CHMP6: variants seen among roughly 807,000 people sequenced by gnomAD.
The protein encoded by CHMP6 is charged multivesicular body protein 6.
A neutral mutation model predicts 32.8 loss-of-function variants in CHMP6; 10 were observed. The observed-to-expected ratio is 0.30, with a 90% CI of 0.19 to 0.52. CHMP6 has a LOEUF of 0.52. CHMP6 is among the 20% of genes least tolerant of loss of function. The pLI is 0.97. For missense variants in CHMP6, 269 were observed against 263.8 expected, an observed-to-expected ratio of 1.02 and a Z score of -0.14; for synonymous variants, 123 against 105.8, an observed-to-expected ratio of 1.16 and a Z score of -1.00.
chr17:80,999,681 C>T lies in CHMP6; in HGVS notation c.*528C>T, dbSNP rs570058317. ...GCATGTGCTGAACCTCTCTGTGCCTCTGCCTCCGCACCCTAGACACCCACC... is the reference window on the plus strand; with the variant it reads ...GCATGTGCTGAACCTCTCTGTGCCTTTGCCTCCGCACCCTAGACACCCACC... On this transcript the variant is annotated 3_prime_UTR_variant, in exon 8 of 8. Transcript: ENST00000325167. 6.5e-6 allele frequency: 1 copy of T among 154,084 alleles called. No homozygotes were observed. Among genetic ancestry groups the T allele is most frequent in the South Asian group, 2.0e-4 (1 of 4,972 alleles). The allele number at this position is 154,084 out of a possible 1,614,324, so 9.5% of individuals were successfully genotyped here.
chr17:80,993,068 AC>A, intron 1 of CHMP6, among the ~76,000 whole-genome samples: 1 of 151,724 alleles, frequency 6.6e-6, no homozygotes, highest in Non-Finnish European at 1.5e-5. Context: ...CCTTCCACCT[AC>A]CCTGCCAGCC....
chr17:80,995,351 G>T (rs963668943), intron 3 of CHMP6, among the ~76,000 whole-genome samples: 3 of 152,168 alleles, frequency 2.0e-5, no homozygotes, highest in African/African-American at 7.2e-5. Flanking sequence ...GGCCACCCCT[G>T]GGTGGTGTGG....
chr17:80,998,406 C>T lies in CHMP6; in HGVS notation c.536C>T (p.Pro179Leu). ...ELPEVPSEPL[P>L]EKIPENVPVK... is the part of the protein sequence containing the mutation. ...CCAGAGGTTCCCTCCGAGCCCCTTCCTGAGAAGATCCCAGGTATTTCCATG... is the reference window on the plus strand; with the variant it reads ...CCAGAGGTTCCCTCCGAGCCCCTTCTTGAGAAGATCCCAGGTATTTCCATG... The change falls in exon 7 of 8, where the codon CCT (proline) becomes CTT (leucine). Residue 179 changes from proline (P) to leucine (L), a missense_variant. Pro to Leu is a moderately conservative substitution (Grantham distance 98). Transcript: ENST00000325167. 1 of 1,614,228 alleles carries T rather than the reference C, an allele frequency of 6.2e-7. No individual in the cohort carries two copies. The highest frequency in any genetic ancestry group is 8.5e-7 in the Non-Finnish European group (1 of 1,180,034).
At chr17:80,992,039 G>T in intron 1 of CHMP6, 58 bp downstream of exon 1, 2 of 1,224,920 alleles carry the variant, frequency 1.6e-6, no homozygotes, top group South Asian at 2.6e-5. Flanking sequence ...GGGCCGGGGC[G>T]GGCGGCGGGG....
chr17:80,991,912 C>T lies in CHMP6; in HGVS notation c.-7C>T, dbSNP rs1245303877. 4.8e-6 allele frequency: 7 copies of T among 1,452,842 alleles called. No individual in the cohort carries two copies. Among genetic ancestry groups the T allele is most frequent in the African/African-American group, 1.5e-5 (1 of 67,926 alleles). The allele number at this position is 1,452,842 out of a possible 1,614,324, so 90.0% of individuals were successfully genotyped here. On this transcript the variant is annotated 5_prime_UTR_variant, in exon 1 of 8. Transcript: ENST00000325167. ...TGGTGGGTCCCGGGCCAGGGGCGGG[C>T]GCCGCCATGGGTAACCTGTTCGGCC...
rs148661043 is a variant in CHMP6 at position 80,997,392 on chromosome 17, A to AG, written c.495+52dup. ...CAGTCACTCAGGCAGCGGGACCCCCAGAGCTCAGACCCCCAGGAGGCCCTG... is the reference window on the plus strand; with the variant it reads ...CAGTCACTCAGGCAGCGGGACCCCCAGGAGCTCAGACCCCCAGGAGGCCCTG... On this transcript the variant is annotated intron_variant, in intron 6 of 7. Coordinates refer to ENST00000325167, the MANE Select transcript of CHMP6 (RefSeq NM_024591.5). The AG allele has an allele frequency of 6.4e-5, 96 of 1,489,894 alleles. 3 individuals carry two copies. In the East Asian group the frequency reaches 1.7e-3, roughly 26 times the overall value. 92.3% of individuals were successfully genotyped at this position (1,489,894 alleles called of 1,614,324 possible).
rs867139718 is a variant in CHMP6 at position 80,994,252 on chromosome 17, C to T, written c.64-329C>T. Among the ~76,000 whole-genome samples the T allele has an allele frequency of 6.6e-5, 10 of 152,326 alleles. No homozygotes were observed. In the Middle Eastern group the frequency reaches 0.01, roughly 155 times the overall value. On this transcript the variant is annotated intron_variant, in intron 1 of 7. Coordinates refer to ENST00000325167, the MANE Select transcript of CHMP6 (RefSeq NM_024591.5). ...TGAGGTCCTGGCAGCTGCTCCCTGA[C>T]CTGAGCCTAGAGTGCTTGTACCGCT...
chr17:80,998,583 G>A (rs1355195438), intron 7 of CHMP6, 163 bp downstream of exon 7: 3 of 1,483,910 alleles, frequency 2.0e-6, no homozygotes, highest in Admixed American at 2.4e-5. Context: ...TTGGGGTTGG[G>A]CTTGGGTTTC....
chr17:80,992,456 C>T (rs1172420157), intron 1 of CHMP6, among the ~76,000 whole-genome samples: 3 of 152,216 alleles, frequency 2.0e-5, no homozygotes, highest in Non-Finnish European at 4.4e-5. Context: ...GGCGGTGCTG[C>T]CGGCTTCGCG....
Position 80,991,978 on chromosome 17 carries a change from C to T in CHMP6, c.60C>T (p.Ile20=). 7.0e-7 allele frequency: 1 copy of T among 1,438,124 alleles called. No individual in the cohort carries two copies. Among genetic ancestry groups the T allele is most frequent in the Non-Finnish European group, 9.2e-7 (1 of 1,085,796 alleles). The allele number at this position is 1,438,124 out of a possible 1,614,324, so 89.1% of individuals were successfully genotyped here. A position where few individuals can be genotyped will look rare whatever the true frequency, so the allele number is the denominator to read the frequency against. The part of the protein sequence containing the change: ...QSRVTEQDKA[I]LQLKQQRDKL... ...GCGTCACGGAGCAGGACAAGGCCAT[C>T]CTGGTGAGGGCCCGGGCCCGGGGTC... The change falls in exon 1 of 8, where the codon ATC becomes ATT. Residue 20 remains isoleucine, a synonymous_variant. Transcript: ENST00000325167.
rs1178176355 is a variant in CHMP6, at chr17:80,991,938, G to A, written c.20G>A (p.Arg7His). MGNLFG[R>H]KKQSRVTEQD... ...GCCGCCATGGGTAACCTGTTCGGCC[G>A]CAAGAAGCAGAGCCGCGTCACGGAG... The change falls in exon 1 of 8, where the codon CGC becomes CAC. Residue 7 changes from arginine to histidine, a missense_variant. Transcript: ENST00000325167. 4 of 1,466,896 alleles carry A rather than the reference G, an allele frequency of 2.7e-6. No homozygotes were observed. Among genetic ancestry groups the A allele is most frequent in the South Asian group, 1.3e-5 (1 of 78,168 alleles). The allele number at this position is 1,466,896 out of a possible 1,614,324, so 90.9% of individuals were successfully genotyped here.
In CHMP6 at chr17:80,997,090, C is replaced by T. The variant is rs777212296; in HGVS notation, c.414+18C>T. The T allele has an allele frequency of 1.3e-5, 21 of 1,612,210 alleles. No individual in the cohort carries two copies. In the African/African-American group the frequency reaches 1.3e-4, roughly 10 times the overall value. On this transcript the variant is annotated intron_variant, in intron 5 of 7. Coordinates refer to ENST00000325167, the MANE Select transcript of CHMP6 (RefSeq NM_024591.5). ...ACCAGCGGGTAGGTGGCACCCTGAC[C>T]GGCCTGCCCCCAACTGTGAGAACCC...
rs2069666221 is a variant in CHMP6, at chr17:80,999,351, G to A, written c.*198G>A. On this transcript the variant is annotated 3_prime_UTR_variant, in exon 8 of 8. Coordinates refer to ENST00000325167, the MANE Select transcript of CHMP6 (RefSeq NM_024591.5). Reference sequence around the variant, plus strand: ...ACCTTGAGCCTGAACGCACTCAGGCGCCACTGGCCTGCTCTCAGTCCGGAT... The same window carrying A: ...ACCTTGAGCCTGAACGCACTCAGGCACCACTGGCCTGCTCTCAGTCCGGAT... The A allele has an allele frequency of 2.1e-5, 12 of 573,164 alleles. No homozygotes were observed. Among genetic ancestry groups the A allele is most frequent in the Non-Finnish European group, 3.1e-5 (10 of 320,896 alleles). The allele number at this position is 573,164 out of a possible 1,614,324, so 35.5% of individuals were successfully genotyped here.
chr17:80,994,646 C>T lies in CHMP6; in HGVS notation c.129C>T (p.Arg43=), dbSNP rs778694132. ...AGAGGATCGCCCAGCAGCTGGAGCG[C>T]GAGCGCGCCCTGGCCCGGCAGCTGC... ...YQKRIAQQLE[R]ERALARQLLR... The change falls in exon 2 of 8, where the codon CGC becomes CGT. Residue 43 remains arginine (R), a synonymous_variant. Transcript: ENST00000325167. The T allele has an allele frequency of 2.5e-5, 40 of 1,584,628 alleles. No individual in the cohort carries two copies. Among genetic ancestry groups the T allele is most frequent in the East Asian group, 6.9e-5 (3 of 43,680 alleles).
intron 3 of CHMP6, 118 bp from the exon 4 acceptor site, chr17:80,995,554 C>G: frequency 1.3e-6 from 1 of 781,704 alleles, no homozygotes; most frequent in Non-Finnish European, 2.2e-6. Context: ...TGTCAGGAGT[C>G]ACCCTCACGC....
chr17:80,999,258 G>T lies in CHMP6; in HGVS notation c.*105G>T. ...GACCGGGTTCCCTGGAGCCCAGTGC[G>T]CACGGTGCTGAGCAGAGCTGCAGCC... On this transcript the variant is annotated 3_prime_UTR_variant, in exon 8 of 8. Coordinates refer to ENST00000325167, the MANE Select transcript of CHMP6 (RefSeq NM_024591.5). 5 of 1,317,800 alleles carry T rather than the reference G, an allele frequency of 3.8e-6. No individual in the cohort carries two copies. Among genetic ancestry groups the T allele is most frequent in the Non-Finnish European group, 5.4e-6 (5 of 920,584 alleles). The allele number at this position is 1,317,800 out of a possible 1,614,324, so 81.6% of individuals were successfully genotyped here. A position where few individuals can be genotyped will look rare whatever the true frequency, so the allele number is the denominator to read the frequency against.
chr17:80,999,492 C>T lies in CHMP6; in HGVS notation c.*339C>T, dbSNP rs551365570. The T allele has an allele frequency of 1.4e-4, 41 of 287,148 alleles. No individual in the cohort carries two copies. The highest frequency in any genetic ancestry group is 2.3e-3 in the Middle Eastern group (2 of 874). 17.8% of individuals were successfully genotyped at this position (287,148 alleles called of 1,614,324 possible). A position where few individuals can be genotyped will look rare whatever the true frequency, so the allele number is the denominator to read the frequency against. On this transcript the variant is annotated 3_prime_UTR_variant, in exon 8 of 8. Coordinates refer to ENST00000325167, the MANE Select transcript of CHMP6 (RefSeq NM_024591.5). ...GTCCCAGCCCCGCGTGGCTCGCGCTCGTCTGTGAGGAAGACACCTCCAGAC... is the reference window on the plus strand; with the variant it reads ...GTCCCAGCCCCGCGTGGCTCGCGCTTGTCTGTGAGGAAGACACCTCCAGAC...
rs1338185676 is a variant in CHMP6, at chr17:80,997,065, A to T, written c.407A>T (p.Tyr136Phe). The change falls in exon 5 of 8, where the codon TAC becomes TTC. Residue 136 changes from tyrosine to phenylalanine, a missense_variant. Transcript: ENST00000325167. The stretch of plus-strand genomic sequence containing the variant: ...GACGAGACGCAGGAGGCCGTGGAGT[A>T]CCAGCGGGTAGGTGGCACCCTGACC... ...ILDETQEAVE[Y>F]QRQIDELLAG... is the part of the protein sequence containing the mutation. 1 of 1,613,538 alleles carries T rather than the reference A, an allele frequency of 6.2e-7. No homozygotes were observed. Among genetic ancestry groups the T allele is most frequent in the East Asian group, 2.2e-5 (1 of 44,878 alleles).
chr17:80,998,799 CT>C, intron 7 of CHMP6: 4 of 836,512 alleles, frequency 4.8e-6, no homozygotes, highest in Non-Finnish European at 6.9e-6. Flanking sequence ...GGGAAGCTGA[CT>C]TTAGAACCGT....
Sources: allele counts gnomAD v4.1 joint callset (sites outside exome capture counted in the v4.1 genomes callset), GRCh38; gene constraint gnomAD v4.1.1; transcripts MANE v1.5; gene names NCBI Gene and HGNC (gene_info 2026-07-23, HGNC 2026-07-21).